The following CSMD1 variants were observed in gnomAD, a reference collection of about 807,000 sequenced individuals.
CSMD1 encodes the protein CUB and sushi domain-containing protein 1.
A neutral mutation model predicts 417.5 loss-of-function variants in CSMD1; 213 were observed. The ratio of observed to expected loss-of-function variants is 0.51; its 90% CI spans 0.46 to 0.57. CSMD1 has a LOEUF of 0.57. Ranked by LOEUF, CSMD1 falls within the 20% of genes least tolerant of loss-of-function variation. The probability of loss-of-function intolerance (pLI) is 0.00; values close to 1 mark genes in which losing one functional copy is unlikely to be tolerated. For missense variants in CSMD1, 6,923 were observed against 4,529.7 expected, an observed-to-expected ratio of 1.53 and a Z score of -15.17; for synonymous variants, 2,862 against 1,736.8, an observed-to-expected ratio of 1.65 and a Z score of -16.11.
intron 1 of CSMD1, among the ~76,000 whole-genome samples, chr8:4,969,087 C>A (rs373870245): frequency 1.3e-5 from 2 of 152,182 alleles, no homozygotes; most frequent in African/African-American, 4.8e-5. Flanking sequence ...TGACAGCTCA[C>A]TGACCTGGTG....
At chr8:3,536,221 G>C (rs552883235) in intron 10 of CSMD1, among the ~76,000 whole-genome samples, 3 of 152,332 alleles carry the variant, frequency 2.0e-5, no homozygotes, top group African/African-American at 7.2e-5. Context: ...TTCAAGACTC[G>C]AAGCATCAAT....
rs575382672 is a variant in CSMD1, at chr8:4,082,971, T to G, written c.416-50872A>C. Among the ~76,000 whole-genome samples the G allele has an allele frequency of 2.4e-4, 37 of 152,190 alleles. No individual in the cohort carries two copies. In the South Asian group the frequency reaches 5.6e-3, roughly 23 times the overall value. On this transcript the variant is annotated intron_variant, in intron 3 of 69. Coordinates refer to ENST00000635120, the MANE Select transcript of CSMD1 (RefSeq NM_033225.6). ...ACCATTTTTTATGGCTGAATAGGACTCCATGGTGTATATGTGCCACATTTT... is the reference window on the plus strand; with the variant it reads ...ACCATTTTTTATGGCTGAATAGGACGCCATGGTGTATATGTGCCACATTTT...
chr8:4,852,356 C>T (rs1349209859), intron 1 of CSMD1, among the ~76,000 whole-genome samples: 3 of 152,086 alleles, frequency 2.0e-5, no homozygotes, highest in Non-Finnish European at 4.4e-5. Context: ...CTTGCAACAT[C>T]TGGTTGTTTA....
At chr8:4,060,502 G>C (rs899481276) in intron 3 of CSMD1, among the ~76,000 whole-genome samples, 7 of 152,278 alleles carry the variant, frequency 4.6e-5, no homozygotes, top group East Asian at 1.9e-4. Flanking sequence ...TGAGGTTTTA[G>C]AATAGAAAAA....
At chr8:4,450,444 G>T (rs1000419694) in intron 2 of CSMD1, among the ~76,000 whole-genome samples, 1 of 152,098 alleles carries the variant, frequency 6.6e-6, no homozygotes, top group Non-Finnish European at 1.5e-5. Flanking sequence ...TGGCCAACAG[G>T]GTGAAACCTC....
At position 3,403,967 on chromosome 8, in the gene CSMD1, A is replaced by T. The variant is rs139294342; in HGVS notation, c.2266+2060T>A. ...GGTTTTGTTGCCCTTCTATTTATCAATATTTCACCCATGGGTGGTGCTTCT... is the reference window on the plus strand; with the variant it reads ...GGTTTTGTTGCCCTTCTATTTATCATTATTTCACCCATGGGTGGTGCTTCT... On this transcript the variant is annotated intron_variant, in intron 15 of 69. Transcript: ENST00000635120. Among the ~76,000 whole-genome samples the T allele has an allele frequency of 5.3e-5, 8 of 152,320 alleles. No homozygotes were observed. The East Asian group carries it at 1.2e-3, about 22-fold the overall frequency.
intron 3 of CSMD1, among the ~76,000 whole-genome samples, chr8:4,210,462 C>T (rs1386810879): frequency 6.6e-6 from 1 of 152,174 alleles, no homozygotes; most frequent in Non-Finnish European, 1.5e-5. Flanking sequence ...AAGTTTCTAA[C>T]TTTGAACTGC....
intron 3 of CSMD1, among the ~76,000 whole-genome samples, chr8:4,121,563 T>C (rs576722822): frequency 1.5e-4 from 22 of 149,218 alleles, no homozygotes; most frequent in Non-Finnish European, 3.0e-4. Flanking sequence ...TAAAATGTAA[T>C]CAATCTTTTA....
At chr8:4,268,468 C>A (rs1016221990) in intron 3 of CSMD1, among the ~76,000 whole-genome samples, 3 of 152,086 alleles carry the variant, frequency 2.0e-5, no homozygotes, top group African/African-American at 7.2e-5. Context: ...AAGGTAGTAT[C>A]GCTGCTTACG....
chr8:4,943,906 G>A (rs892995445), intron 1 of CSMD1, among the ~76,000 whole-genome samples: 29 of 152,178 alleles, frequency 1.9e-4, no homozygotes, highest in African/African-American at 5.5e-4. Context: ...GCAGAATTGC[G>A]GTGATGGAGG....
intron 7 of CSMD1, among the ~76,000 whole-genome samples, chr8:3,651,800 C>T (rs187533316): frequency 2.0e-5 from 3 of 150,992 alleles, no homozygotes; most frequent in East Asian, 3.9e-4. Flanking sequence ...CCACCACCAT[C>T]GCACTTACCA....
chr8:3,680,967 A>G (rs200434713), intron 7 of CSMD1, among the ~76,000 whole-genome samples: 1 of 152,266 alleles, frequency 6.6e-6, no homozygotes, highest in Non-Finnish European at 1.5e-5. Flanking sequence ...ATGCAGAAAA[A>G]GCCTTTGACA....
At chr8:4,823,018 G>C (rs1424033196) in intron 1 of CSMD1, among the ~76,000 whole-genome samples, 1 of 152,064 alleles carries the variant, frequency 6.6e-6, no homozygotes, top group Non-Finnish European at 1.5e-5. Flanking sequence ...ACAATTTGCA[G>C]TTCTCATTCC....
intron 1 of CSMD1, among the ~76,000 whole-genome samples, chr8:4,721,996 A>G (rs1410542158): frequency 6.6e-6 from 1 of 152,154 alleles, no homozygotes; most frequent in East Asian, 1.9e-4. Context: ...GAGAAGAACG[A>G]TGGTTATTGG....
intron 7 of CSMD1, among the ~76,000 whole-genome samples, chr8:3,688,723 A>G (rs1338259271): frequency 2.0e-5 from 3 of 152,192 alleles, no homozygotes; most frequent in Non-Finnish European, 4.4e-5. Flanking sequence ...CTCAATTAAA[A>G]AATATTTACT....
intron 1 of CSMD1, among the ~76,000 whole-genome samples, chr8:4,972,115 A>G (rs1411587637): frequency 6.6e-6 from 1 of 152,172 alleles, no homozygotes; most frequent in East Asian, 1.9e-4. Flanking sequence ...GATAAAAGAA[A>G]GAGTAATATC....
chr8:4,455,559 C>A (rs975178237), intron 2 of CSMD1, among the ~76,000 whole-genome samples: 3 of 152,076 alleles, frequency 2.0e-5, no homozygotes, highest in African/African-American at 7.2e-5. Flanking sequence ...TAGAATATGA[C>A]CTCCTGCTTG....
intron 1 of CSMD1, among the ~76,000 whole-genome samples, chr8:4,834,324 T>C (rs1271294671): frequency 6.6e-6 from 1 of 152,104 alleles, no homozygotes; most frequent in African/African-American, 2.4e-5. Flanking sequence ...GAAAAACAGG[T>C]AAGATTTACT....
intron 5 of CSMD1, among the ~76,000 whole-genome samples, chr8:3,837,332 A>G (rs1802777141): frequency 1.3e-5 from 2 of 152,160 alleles, no homozygotes; most frequent in Non-Finnish European, 2.9e-5. Context: ...ATTCATTTCT[A>G]CATCAGAGCC....
Sources: gnomAD v4.1 joint callset for allele counts (sites outside exome capture counted in the v4.1 genomes callset) on GRCh38, gnomAD v4.1.1 for gene constraint, MANE v1.5 for transcripts, NCBI Gene and HGNC (gene_info 2026-07-23, HGNC 2026-07-21) for gene names.